Variants in RBMS3 observed in about 807,000 individuals in gnomAD.
The protein encoded by RBMS3 is RNA-binding motif, single-stranded-interacting protein 3.
In RBMS3, 27 loss-of-function variants were observed where a neutral mutation model predicts 66.8. The ratio of observed to expected loss-of-function variants is 0.40; its 90% CI spans 0.30 to 0.56. The LOEUF (loss-of-function observed/expected upper bound fraction) is 0.56, where lower values mean the gene tolerates loss of function less well. RBMS3 is among the 20% of genes least tolerant of loss of function. The pLI is 0.40. For synonymous variants in RBMS3, 188 were observed against 183.0 expected, an observed-to-expected ratio of 1.03 and a Z score of -0.22; for missense variants, 513 against 549.5, an observed-to-expected ratio of 0.93 and a Z score of 0.66.
At chr3:29,884,591 A>G (rs569564307) in intron 8 of RBMS3, among the ~76,000 whole-genome samples, 4 of 151,352 alleles carry the variant, frequency 2.6e-5, no homozygotes, top group Non-Finnish European at 4.4e-5. Flanking sequence ...GCCCAAGTCA[A>G]TTTATTCTTT....
chr3:29,369,076 C>T (rs2038054298), intron 1 of RBMS3, among the ~76,000 whole-genome samples: 1 of 152,008 alleles, frequency 6.6e-6, no homozygotes. Flanking sequence ...AAGCCAAATA[C>T]CATATGTTCT....
At chr3:29,368,144 T>C (rs2038007044) in intron 1 of RBMS3, among the ~76,000 whole-genome samples, 1 of 152,194 alleles carries the variant, frequency 6.6e-6, no homozygotes, top group Non-Finnish European at 1.5e-5. Context: ...TCAATTTAGT[T>C]GACTTTCTAT....
At chr3:29,437,473 G>C (rs1260952282) in intron 2 of RBMS3, among the ~76,000 whole-genome samples, 1 of 152,254 alleles carries the variant, frequency 6.6e-6, no homozygotes, top group African/African-American at 2.4e-5. Flanking sequence ...AGAATATTAA[G>C]TGAACAGAGG....
intron 1 of RBMS3, among the ~76,000 whole-genome samples, chr3:29,386,111 C>A (rs918374226): frequency 2.0e-5 from 3 of 152,088 alleles, no homozygotes; most frequent in Non-Finnish European, 4.4e-5. Context: ...CTGGTAAAAT[C>A]CTAATTATGG....
intron 5 of RBMS3, among the ~76,000 whole-genome samples, chr3:29,747,435 TA>T (rs1336955304): frequency 1.3e-5 from 2 of 148,190 alleles, no homozygotes; most frequent in Non-Finnish European, 3.0e-5. Context: ...GATAGATAGA[TA>T]GATAGATAGA....
At chr3:29,993,095 A>G (rs1698989835) in intron 14 of RBMS3, among the ~76,000 whole-genome samples, 3 of 150,622 alleles carry the variant, frequency 2.0e-5, no homozygotes, top group African/African-American at 7.5e-5. Flanking sequence ...TTACAAATTA[A>G]ATTTGCTCAG....
chr3:29,340,955 T>A (rs577067019), intron 1 of RBMS3, among the ~76,000 whole-genome samples: 3 of 152,218 alleles, frequency 2.0e-5, no homozygotes, highest in Admixed American at 2.0e-4. Context: ...CTTAGTTTAA[T>A]AATTTTTAAT....
chr3:29,781,781 C>G (rs150426659), intron 6 of RBMS3, among the ~76,000 whole-genome samples: 43 of 152,152 alleles, frequency 2.8e-4, no homozygotes, highest in African/African-American at 9.9e-4. Flanking sequence ...AGACTCAGTG[C>G]TGTTGTGGGG....
At chr3:29,674,539 A>T (rs911984553) in intron 4 of RBMS3, among the ~76,000 whole-genome samples, 2 of 152,160 alleles carry the variant, frequency 1.3e-5, no homozygotes, top group African/African-American at 2.4e-5. Context: ...TTAAACTGAT[A>T]AGCAACGTCA....
chr3:29,710,087 C>T (rs985729610), intron 4 of RBMS3, among the ~76,000 whole-genome samples: 1 of 152,172 alleles, frequency 6.6e-6, no homozygotes, highest in Non-Finnish European at 1.5e-5. Flanking sequence ...CCTGTTCAAA[C>T]TTGGTTGATA....
intron 1 of RBMS3, among the ~76,000 whole-genome samples, chr3:29,410,439 A>C (rs1483173547): frequency 6.6e-6 from 1 of 152,176 alleles, no homozygotes; most frequent in East Asian, 1.9e-4. Context: ...CCATTAGGCT[A>C]GTCTAGGCAA....
chr3:29,926,311 C>G (rs6795844), intron 10 of RBMS3, among the ~76,000 whole-genome samples: 83,324 of 151,958 alleles, frequency 0.55, 24,505 homozygotes, highest in Non-Finnish European at 0.67. Context: ...CCTAACCAGG[C>G]AAATTCCTAA....
chr3:29,573,071 T>C (rs1464155199), intron 3 of RBMS3, among the ~76,000 whole-genome samples: 1 of 152,180 alleles, frequency 6.6e-6, no homozygotes, highest in Admixed American at 6.5e-5. Flanking sequence ...ACAGTAGCCA[T>C]TAATGATCCT....
At chr3:29,614,613 A>G (rs1047041824) in intron 4 of RBMS3, 4 of 152,204 alleles carry the variant, frequency 2.6e-5, no homozygotes, top group South Asian at 2.1e-4. Context: ...AGAAGGATGG[A>G]CTATTTAGCA....
chr3:29,952,231 A>G (rs1037074406), intron 12 of RBMS3, among the ~76,000 whole-genome samples: 3 of 151,834 alleles, frequency 2.0e-5, no homozygotes, highest in African/African-American at 4.8e-5. Context: ...AGATTAAAAG[A>G]GACATTATAT....
chr3:29,412,937 C>T (rs556681837), intron 1 of RBMS3, among the ~76,000 whole-genome samples: 7 of 152,210 alleles, frequency 4.6e-5, no homozygotes, highest in Non-Finnish European at 1.0e-4. Flanking sequence ...CAGCAGGAAT[C>T]AGGAGGCAGT....
chr3:29,876,004 AG>A (rs1295522385), intron 7 of RBMS3, among the ~76,000 whole-genome samples: 1 of 152,234 alleles, frequency 6.6e-6, no homozygotes, highest in Non-Finnish European at 1.5e-5. Flanking sequence ...TCAAACATAA[AG>A]AAGTTAATTT....
chr3:29,486,286 A>G (rs570206607), intron 2 of RBMS3, among the ~76,000 whole-genome samples: 6 of 152,286 alleles, frequency 3.9e-5, no homozygotes, highest in African/African-American at 9.6e-5. Flanking sequence ...TGTTTAAAGC[A>G]TATCCTAGCT....
At chr3:29,321,116 A>G (rs753266933) in intron 1 of RBMS3, among the ~76,000 whole-genome samples, 1 of 152,008 alleles carries the variant, frequency 6.6e-6, no homozygotes, top group Non-Finnish European at 1.5e-5. Flanking sequence ...ATCTCATAGA[A>G]CTCTTTCTTT....
Sources: gnomAD v4.1 joint callset for allele counts (sites outside exome capture counted in the v4.1 genomes callset) on GRCh38, gnomAD v4.1.1 for gene constraint, MANE v1.5 for transcripts, NCBI Gene and HGNC (gene_info 2026-07-23, HGNC 2026-07-21) for gene names.